The following FOXO3 variants were observed in gnomAD, a reference collection of about 807,000 sequenced individuals.
FOXO3 encodes forkhead box protein O3.
In FOXO3, 4 loss-of-function variants were observed where a neutral mutation model predicts 41.9. That is an observed-to-expected ratio of 0.10 (90% CI 0.05 to 0.22). FOXO3 has a LOEUF of 0.22. Ranked by LOEUF, FOXO3 falls within the 10% of genes least tolerant of loss-of-function variation. The probability of loss-of-function intolerance (pLI) is 1.00; values close to 1 mark genes in which losing one functional copy is unlikely to be tolerated. For missense variants in FOXO3, 534 were observed against 906.8 expected (o/e 0.59, Z 5.28); for synonymous variants, 318 against 389.3 (o/e 0.82, Z 2.16).
intron 2 of FOXO3, among the ~76,000 whole-genome samples, chr6:108,670,088 A>AG (rs1459030033): frequency 6.6e-6 from 1 of 152,166 alleles, no homozygotes; most frequent in African/African-American, 2.4e-5. Flanking sequence ...AGATGGGAGA[A>AG]GGGGGCTTTC....
At chr6:108,656,420 T>G (rs1180346760) in intron 1 of FOXO3, 1 of 985,166 alleles carries the variant, frequency 1.0e-6, no homozygotes, top group East Asian at 1.1e-4. Flanking sequence ...TTTAAGAAAT[T>G]ACCAGTTACT....
chr6:108,676,993 A>T (rs540681223), intron 2 of FOXO3, among the ~76,000 whole-genome samples: 1 of 152,324 alleles, frequency 6.6e-6, no homozygotes, highest in African/African-American at 2.4e-5. Flanking sequence ...CACAGAGGAA[A>T]CCAAAGGCCT....
chr6:108,591,156 G>T (rs953526968), intron 1 of FOXO3, among the ~76,000 whole-genome samples: 2 of 152,188 alleles, frequency 1.3e-5, no homozygotes, highest in African/African-American at 4.8e-5. Context: ...GACTTATCGG[G>T]TGACCTTTTA....
At chr6:108,586,936 ATATTATTATTATTATTATTATTATTAT>A (rs143546022) in intron 1 of FOXO3, among the ~76,000 whole-genome samples, 5 of 133,626 alleles carry the variant, frequency 3.7e-5, no homozygotes, top group Admixed American at 1.5e-4. Context: ...CTGAACGTAA[ATATTATTATTATTATTATTATTATTAT>A]TATTATTATT....
chr6:108,663,311 C>CA (rs1778926861), intron 1 of FOXO3, 144 bp from the exon 2 acceptor site: 1 of 1,302,962 alleles, frequency 7.7e-7, no homozygotes, highest in Non-Finnish European at 1.0e-6. Context: ...TGCACCACTG[C>CA]ATTCCAGCAT....
chr6:108,578,772 G>T (rs1331568612), intron 1 of FOXO3, among the ~76,000 whole-genome samples: 1 of 152,230 alleles, frequency 6.6e-6, no homozygotes, highest in Non-Finnish European at 1.5e-5. Flanking sequence ...GGATAAAAAT[G>T]TGCTGGGTGT....
chr6:108,592,856 G>C (rs372087649), intron 1 of FOXO3, among the ~76,000 whole-genome samples: 7 of 152,334 alleles, frequency 4.6e-5, no homozygotes, highest in African/African-American at 1.7e-4. Flanking sequence ...GTTGGTGCAC[G>C]TGGTAATTGA....
At chr6:108,615,375 A>C (rs898758367) in intron 1 of FOXO3, among the ~76,000 whole-genome samples, 1 of 152,046 alleles carries the variant, frequency 6.6e-6, no homozygotes, top group Non-Finnish European at 1.5e-5. Flanking sequence ...AATAGGTATA[A>C]ATTTCTAGAT....
At chr6:108,646,179 T>G (rs1778387383) in intron 1 of FOXO3, among the ~76,000 whole-genome samples, 2 of 152,164 alleles carry the variant, frequency 1.3e-5, no homozygotes, top group Admixed American at 1.3e-4. Flanking sequence ...GAGACTCATC[T>G]CTCACCTGAG....
chr6:108,594,141 C>T (rs1233211736), intron 1 of FOXO3, among the ~76,000 whole-genome samples: 3 of 152,102 alleles, frequency 2.0e-5, no homozygotes, highest in South Asian at 2.1e-4. Context: ...ATTCTTTTTC[C>T]TGTTTCTTGT....
At chr6:108,625,439 T>A (rs541143087) in intron 1 of FOXO3, among the ~76,000 whole-genome samples, 3 of 152,354 alleles carry the variant, frequency 2.0e-5, no homozygotes, top group East Asian at 3.9e-4. Context: ...TCTAGTTTGA[T>A]CACAGGACCA....
chr6:108,585,241 C>T (rs1304873825), intron 1 of FOXO3, among the ~76,000 whole-genome samples: 1 of 151,980 alleles, frequency 6.6e-6, no homozygotes, highest in East Asian at 1.9e-4. Flanking sequence ...GACGGGGTTT[C>T]ACCCCGTTAG....
chr6:108,672,219 G>A (rs1263427822), intron 2 of FOXO3, among the ~76,000 whole-genome samples: 1 of 152,210 alleles, frequency 6.6e-6, no homozygotes, highest in African/African-American at 2.4e-5. Flanking sequence ...CAGAAAGACT[G>A]GCACATGATA....
intron 1 of FOXO3, among the ~76,000 whole-genome samples, chr6:108,574,586 G>A (rs1776210624): frequency 6.6e-6 from 1 of 152,190 alleles, no homozygotes; most frequent in South Asian, 2.1e-4. Flanking sequence ...TCGTCTCTTT[G>A]CAGTGCAGTT....
chr6:108,633,572 C>T (rs1342969415), intron 1 of FOXO3, among the ~76,000 whole-genome samples: 1 of 152,144 alleles, frequency 6.6e-6, no homozygotes, highest in African/African-American at 2.4e-5. Flanking sequence ...AGCTTTGATG[C>T]ATTTACTACA....
intron 1 of FOXO3, among the ~76,000 whole-genome samples, chr6:108,562,832 C>G (rs1562224916): frequency 6.6e-6 from 1 of 152,164 alleles, no homozygotes; most frequent in Non-Finnish European, 1.5e-5. Flanking sequence ...AGATTAACTC[C>G]TCTGCCCCTG....
chr6:108,663,308 C>T (rs1024152066), intron 1 of FOXO3, 147 bp from the exon 2 acceptor site: 3 of 1,294,262 alleles, frequency 2.3e-6, no homozygotes, highest in Non-Finnish European at 3.1e-6. Flanking sequence ...GGCTGCACCA[C>T]TGCATTCCAG....
In FOXO3 at chr6:108,561,703, G is replaced by C. The variant is rs149906214; in HGVS notation, c.495G>C (p.Leu165=). Residue 165 remains leucine (L), a synonymous_variant, in exon 1 of 3, where the codon CTG becomes CTC. Transcript: ENST00000406360. ...GGGGAAACCTGTCCTACGCGGACCT[G>C]ATCACCCGCGCCATCGAGAGCTCCC... ...NAWGNLSYAD[L]ITRAIESSPD... 5.6e-6 allele frequency: 9 copies of C among 1,612,128 alleles called. No homozygotes were observed. In the African/African-American group the frequency reaches 9.4e-5, roughly 17 times the overall value.
At chr6:108,598,905 C>T (rs555193154) in intron 1 of FOXO3, among the ~76,000 whole-genome samples, 18 of 152,312 alleles carry the variant, frequency 1.2e-4, no homozygotes, top group African/African-American at 3.8e-4. Context: ...CTCCTTCATG[C>T]TGACTTAGCA....
Sources: allele counts gnomAD v4.1 joint callset (sites outside exome capture counted in the v4.1 genomes callset), GRCh38; gene constraint gnomAD v4.1.1; transcripts MANE v1.5; gene names NCBI Gene and HGNC (gene_info 2026-07-23, HGNC 2026-07-21).